Variants in COLEC12 observed in about 807,000 individuals in gnomAD.
The protein encoded by COLEC12 is collectin-12.
In COLEC12, 33 loss-of-function variants were observed where a neutral mutation model predicts 71.1. The ratio of observed to expected loss-of-function variants is 0.46; its 90% confidence interval spans 0.35 to 0.62. The LOEUF is 0.62. COLEC12 is among the 20% of genes least tolerant of loss of function. The probability of loss-of-function intolerance (pLI) is 0.00; values close to 1 mark genes in which losing one functional copy is unlikely to be tolerated. For synonymous variants in COLEC12, 350 were observed against 353.0 expected (o/e 0.99, Z 0.10); for missense variants, 765 against 916.1 (o/e 0.84, Z 2.13).
chr18:320,380 G>A (rs1338401416), intron 9 of COLEC12, among the ~76,000 whole-genome samples: 1 of 152,152 alleles, frequency 6.6e-6, no homozygotes, highest in Non-Finnish European at 1.5e-5. Flanking sequence ...CCCTTGTTTA[G>A]ATATCTGTGT....
intron 1 of COLEC12, among the ~76,000 whole-genome samples, chr18:488,741 T>C (rs1283598152): frequency 6.6e-6 from 1 of 151,708 alleles, no homozygotes; most frequent in Non-Finnish European, 1.5e-5. Context: ...GGCGTGCTGG[T>C]GTGCACCTGT....
chr18:430,490 C>G (rs150777521), intron 2 of COLEC12, among the ~76,000 whole-genome samples: 68 of 152,188 alleles, frequency 4.5e-4, no homozygotes, highest in Non-Finnish European at 8.5e-4. Flanking sequence ...GAAAAATAGT[C>G]TTTCCCTTTC....
intron 2 of COLEC12, among the ~76,000 whole-genome samples, chr18:419,166 CTATT>C (rs1916046919): frequency 7.8e-6 from 1 of 128,254 alleles, no homozygotes; most frequent in African/African-American, 3.4e-5. Context: ...CTATTCTATT[CTATT>C]CTATTCTATT....
At chr18:418,168 T>C (rs948201792) in intron 2 of COLEC12, among the ~76,000 whole-genome samples, 8 of 152,186 alleles carry the variant, frequency 5.3e-5, no homozygotes, top group African/African-American at 1.9e-4. Context: ...TTGAAAATAG[T>C]GTTATTAATA....
At position 335,093 on chromosome 18, in the gene COLEC12, G is replaced by T; in HGVS notation, c.1465C>A (p.Pro489Thr). ...CCACGCTCTCCGGGGGGACCAGCTGGTCCAATTGGGCCTCTCTCACCCGCA... is the reference window on the plus strand; with the variant it reads ...CCACGCTCTCCGGGGGGACCAGCTGTTCCAATTGGGCCTCTCTCACCCGCA... ...GPAGERGPIG[P>T]AGPPGERGGK... The change falls in exon 6 of 10, where the codon CCA becomes ACA. Residue 489 changes from proline (P) to threonine (T), a missense_variant. Pro to Thr is a conservative substitution (Grantham distance 38, BLOSUM62 -1). Coordinates refer to ENST00000400256, the MANE Select transcript of COLEC12 (RefSeq NM_130386.3). 1 of 1,611,954 alleles carries T rather than the reference G, an allele frequency of 6.2e-7. No individual in the cohort carries two copies. Among genetic ancestry groups the T allele is most frequent in the Non-Finnish European group, 8.5e-7 (1 of 1,179,298 alleles).
chr18:466,308 C>T (rs1917085667), intron 2 of COLEC12, among the ~76,000 whole-genome samples: 1 of 152,126 alleles, frequency 6.6e-6, no homozygotes, highest in South Asian at 2.1e-4. Context: ...TAGAGACTTC[C>T]AGGACCTTCA....
chr18:425,706 T>C (rs989834708), intron 2 of COLEC12, among the ~76,000 whole-genome samples: 17 of 152,190 alleles, frequency 1.1e-4, no homozygotes, highest in African/African-American at 3.9e-4. Context: ...TGAGGGCATG[T>C]GGGTGAGTGA....
intron 2 of COLEC12, among the ~76,000 whole-genome samples, chr18:396,759 C>A (rs143063694): frequency 1.1e-3 from 161 of 152,350 alleles, no homozygotes; most frequent in African/African-American, 3.7e-3. Flanking sequence ...AGCTCATAGG[C>A]CTTTTCTTTC....
rs932594433 is a variant in COLEC12, at chr18:318,762, G to A, written c.*1283C>T. 4.6e-5 allele frequency: 7 copies of A among 152,094 alleles called. No individual in the cohort carries two copies. The highest frequency in any genetic ancestry group is 1.0e-4 in the Non-Finnish European group (7 of 68,020). The allele number at this position is 152,094 out of a possible 1,614,324, so 9.4% of individuals were successfully genotyped here. ...CCTGCCTCGGCCTCCCAAAGTGCTG[G>A]GATTACAGGCATGAGCCACTGCGCC... is the stretch of plus-strand genomic sequence containing the variant. On this transcript the variant is annotated 3_prime_UTR_variant, in exon 10 of 10. Transcript: ENST00000400256.
chr18:368,727 G>A (rs537177522), intron 2 of COLEC12, among the ~76,000 whole-genome samples: 89 of 151,592 alleles, frequency 5.9e-4, no homozygotes, highest in African/African-American at 1.4e-3. Context: ...TTAGCCGGGC[G>A]TGGTGGCGGG....
chr18:342,667 T>C (rs1376218282), intron 5 of COLEC12, among the ~76,000 whole-genome samples: 1 of 152,248 alleles, frequency 6.6e-6, no homozygotes, highest in Non-Finnish European at 1.5e-5. Context: ...GAGTTCCTTC[T>C]TCCCCTCAGT....
rs1913725151 is a variant in COLEC12 at position 322,218 on chromosome 18, A to ACG, written c.2064-412_2064-411insCG. ...TACACACACACACACACACACACGC[A>ACG]CACATGATCTTGTGAGAACCCAGAG... On this transcript the variant is annotated intron_variant, in intron 8 of 9. Coordinates refer to ENST00000400256, the MANE Select transcript of COLEC12 (RefSeq NM_130386.3). Among the ~76,000 whole-genome samples the ACG allele has an allele frequency of 2.0e-5, 3 of 146,802 alleles. No homozygotes were observed. The South Asian group carries it at 6.7e-4, about 33-fold the overall frequency.
intron 3 of COLEC12, among the ~76,000 whole-genome samples, chr18:356,889 A>G (rs1293458186): frequency 6.6e-6 from 1 of 152,150 alleles, no homozygotes; most frequent in African/African-American, 2.4e-5. Context: ...TAATTTCTAC[A>G]GGGCAGTATT....
chr18:352,856 C>T (rs1458035711), intron 3 of COLEC12, among the ~76,000 whole-genome samples: 1 of 152,192 alleles, frequency 6.6e-6, no homozygotes, highest in African/African-American at 2.4e-5. Context: ...TAGACATAGA[C>T]CTCAGTTTGC....
chr18:360,602 T>G (rs1914724007), intron 2 of COLEC12, among the ~76,000 whole-genome samples: 1 of 152,200 alleles, frequency 6.6e-6, no homozygotes, highest in African/African-American at 2.4e-5. Flanking sequence ...TTTAAAGTGC[T>G]TACACATCAC....
intron 2 of COLEC12, among the ~76,000 whole-genome samples, chr18:378,953 C>A (rs1915172247): frequency 6.6e-6 from 1 of 152,120 alleles, no homozygotes; most frequent in Non-Finnish European, 1.5e-5. Context: ...AAACTGCCAG[C>A]CATAATCCTG....
At chr18:390,147 TG>T (rs1198081525) in intron 2 of COLEC12, among the ~76,000 whole-genome samples, 1 of 152,226 alleles carries the variant, frequency 6.6e-6, no homozygotes, top group Non-Finnish European at 1.5e-5. Flanking sequence ...AGAAGTGCTT[TG>T]CCCAGCAGGG....
intron 1 of COLEC12, among the ~76,000 whole-genome samples, chr18:492,199 C>T (rs1564418): frequency 0.7 from 105,672 of 151,688 alleles, 37,224 homozygotes; most frequent in African/African-American, 0.79. Context: ...TTCAATTGCA[C>T]AGTTTTTTCA....
At chr18:466,398 A>C (rs571542999) in intron 2 of COLEC12, among the ~76,000 whole-genome samples, 2 of 152,206 alleles carry the variant, frequency 1.3e-5, no homozygotes, top group South Asian at 4.1e-4. Flanking sequence ...CAACAGCTCC[A>C]GTTTGTCTCC....
Sources: allele counts gnomAD v4.1 joint callset (sites outside exome capture counted in the v4.1 genomes callset), GRCh38; gene constraint gnomAD v4.1.1; transcripts MANE v1.5; gene names NCBI Gene and HGNC (gene_info 2026-07-23, HGNC 2026-07-21).